The following C1orf115 variants were observed in gnomAD, a reference collection of about 807,000 sequenced individuals.
C1orf115 encodes chromosome 1 open reading frame 115, also known as required for drug-induced death protein 1.
C1orf115 carries 14 observed loss-of-function variants against 12.5 expected under a neutral mutation model. That is an observed-to-expected ratio of 1.12 (90% confidence interval 0.74 to 1.75). The LOEUF (loss-of-function observed/expected upper bound fraction) is 1.75, where lower values mean the gene tolerates loss of function less well. C1orf115 is among the 40% of genes most tolerant of loss of function. C1orf115 has a pLI of 0.00. For missense variants in C1orf115, 237 were observed against 220.8 expected, an observed-to-expected ratio of 1.07 and a Z score of -0.46; for synonymous variants, 109 against 104.6, an observed-to-expected ratio of 1.04 and a Z score of -0.26.
At chr1:220,696,520 T>C (rs566595001) in intron 1 of C1orf115, 92 bp from the exon 2 acceptor site, 2 of 1,378,118 alleles carry the variant, frequency 1.5e-6, no homozygotes, top group Non-Finnish European at 2.0e-6. Flanking sequence ...TTTATATATG[T>C]CGCCGTGACT....
chr1:220,694,369 C>A (rs1285917275), intron 1 of C1orf115, among the ~76,000 whole-genome samples: 1 of 152,122 alleles, frequency 6.6e-6, no homozygotes, highest in African/African-American at 2.4e-5. Context: ...ACTAAATATT[C>A]CCATTGTATA....
At chr1:220,694,080 C>CAAAAAAAAAAAAAAAAAAAAAAAAAA (rs11353067) in intron 1 of C1orf115, among the ~76,000 whole-genome samples, 1 of 72,048 alleles carries the variant, frequency 1.4e-5, no homozygotes, top group Non-Finnish European at 2.5e-5. Flanking sequence ...AACGCGGTCT[C>CAAAAAAAAAAAAAAAAAAAAAAAAAA]AAAAAAAAAA....
rs957897789 is a variant in C1orf115 at position 220,690,713 on chromosome 1, T to G, written c.309+2T>G. On this transcript the variant is annotated splice_donor_variant, in intron 1 of 1. Coordinates refer to ENST00000294889, the MANE Select transcript of C1orf115 (RefSeq NM_024709.5). LOFTEE classifies it high-confidence loss of function. ...AGGAAGCTGAAGAAGTACGGCAAGG[T>G]AGGGGCCCTGCGCCACCACTGCCCG... is the stretch of plus-strand genomic sequence containing the variant. 7 of 1,581,854 alleles carry G rather than the reference T, an allele frequency of 4.4e-6. No homozygotes were observed. Among genetic ancestry groups the G allele is most frequent in the Non-Finnish European group, 6.0e-6 (7 of 1,165,682 alleles).
At chr1:220,695,841 A>G (rs969189022) in intron 1 of C1orf115, among the ~76,000 whole-genome samples, 1 of 152,184 alleles carries the variant, frequency 6.6e-6, no homozygotes, top group Admixed American at 6.5e-5. Context: ...GAGTGATGAC[A>G]GAAGTTGAGG....
At chr1:220,691,252 CAACTATCAGTGTACTCTGGGGCCTTCAAA>C (rs1408116393) in intron 1 of C1orf115, among the ~76,000 whole-genome samples, 18 of 151,936 alleles carry the variant, frequency 1.2e-4, no homozygotes, top group Non-Finnish European at 7.4e-5. Context: ...CTCGTCTAGC[CAACTATCAGTGTACTCTGGGGCCTTCAAA>C]ACATTCTGCC....
In C1orf115 at chr1:220,695,957, G is replaced by T. The variant is rs144006014; in HGVS notation, c.310-655G>T. ...GAGTCCTTTAGATGTCCCCTGTCTA[G>T]CACCTGACATTCCCTGAATGTCCCC... On this transcript the variant is annotated intron_variant, in intron 1 of 1. Coordinates refer to ENST00000294889, the MANE Select transcript of C1orf115 (RefSeq NM_024709.5). 2.8e-3 allele frequency among the ~76,000 whole-genome samples: 422 copies of T among 152,248 alleles called. 1 individual carries two copies. Among genetic ancestry groups the T allele is most frequent in the African/African-American group, 9.6e-3 (400 of 41,542 alleles).
Position 220,696,809 on chromosome 1 carries a change from C to T in C1orf115, c.*78C>T, listed in dbSNP as rs1670203159. 6 of 1,483,448 alleles carry T rather than the reference C, an allele frequency of 4.0e-6. No individual in the cohort carries two copies. The highest frequency in any genetic ancestry group is 2.0e-5 in the Admixed American group (1 of 50,994). The allele number at this position is 1,483,448 out of a possible 1,614,324, so 91.9% of individuals were successfully genotyped here. On this transcript the variant is annotated 3_prime_UTR_variant, in exon 2 of 2. Coordinates refer to ENST00000294889, the MANE Select transcript of C1orf115 (RefSeq NM_024709.5). Reference sequence around the variant, plus strand: ...GAACTTTGTGAATCCTGGAGCATCTCAGACTTGAACACACAGCATATTTGG... The same window carrying T: ...GAACTTTGTGAATCCTGGAGCATCTTAGACTTGAACACACAGCATATTTGG...
At chr1:220,691,099 A>G (rs984025660) in intron 1 of C1orf115, among the ~76,000 whole-genome samples, 2 of 152,160 alleles carry the variant, frequency 1.3e-5, no homozygotes, top group African/African-American at 4.8e-5. Context: ...ATTGCAACCC[A>G]GTGTATTTGT....
At position 220,698,329 on chromosome 1, in the gene C1orf115, G is replaced by A. The variant is rs941039219; in HGVS notation, c.*1598G>A. 2.6e-5 allele frequency: 4 copies of A among 152,270 alleles called. No individual in the cohort carries two copies. Among genetic ancestry groups the A allele is most frequent in the African/African-American group, 9.6e-5 (4 of 41,470 alleles). The allele number at this position is 152,270 out of a possible 1,614,324, so 9.4% of individuals were successfully genotyped here. A position where few individuals can be genotyped will look rare whatever the true frequency, so the allele number is the denominator to read the frequency against. On this transcript the variant is annotated 3_prime_UTR_variant, in exon 2 of 2. Transcript: ENST00000294889. ...GGAAGGGGTAGAGGAGAAGGTTGAA[G>A]CTGTGGAGCTAGACTCTGCTTCACT...
chr1:220,690,733 T>C (rs1670089142), intron 1 of C1orf115, 22 bp downstream of exon 1: 6 of 1,562,804 alleles, frequency 3.8e-6, no homozygotes, highest in Non-Finnish European at 5.2e-6. Flanking sequence ...GCGCCACCAC[T>C]GCCCGGGGGG....
rs1670146536 is a variant in C1orf115 at position 220,693,767 on chromosome 1, G to T, written c.310-2845G>T. Among the ~76,000 whole-genome samples the T allele has an allele frequency of 2.0e-5, 3 of 152,100 alleles. No individual in the cohort carries two copies. The South Asian group carries it at 6.2e-4, about 32-fold the overall frequency. On this transcript the variant is annotated intron_variant, in intron 1 of 1. Coordinates refer to ENST00000294889, the MANE Select transcript of C1orf115 (RefSeq NM_024709.5). Reference sequence around the variant, plus strand: ...CCTGCCCTCCTTCTGTTACTGTGAGGGACCCTGTAATTTAAACTATTGAAA... The same window carrying T: ...CCTGCCCTCCTTCTGTTACTGTGAGTGACCCTGTAATTTAAACTATTGAAA...
chr1:220,690,636 C>T lies in C1orf115; in HGVS notation c.234C>T (p.Tyr78=), dbSNP rs765182139. 2 of 1,569,878 alleles carry T rather than the reference C, an allele frequency of 1.3e-6. No individual in the cohort carries two copies. Among genetic ancestry groups the T allele is most frequent in the South Asian group, 1.2e-5 (1 of 86,426 alleles). Reference sequence around the variant, plus strand: ...ACTTCGCCCTCCTGCCCGAGCGCTACGAGCCACTGGAGGAGCCGGCGCCGA... The same window carrying T: ...ACTTCGCCCTCCTGCCCGAGCGCTATGAGCCACTGGAGGAGCCGGCGCCGA... The part of the protein sequence containing the change: ...RVHFALLPER[Y]EPLEEPAPSE... Residue 78 remains tyrosine (Y), a synonymous_variant, in exon 1 of 2, where the codon TAC becomes TAT. Coordinates refer to ENST00000294889, the MANE Select transcript of C1orf115 (RefSeq NM_024709.5).
At chr1:220,693,790 A>G (rs1272913701) in intron 1 of C1orf115, among the ~76,000 whole-genome samples, 1 of 152,126 alleles carries the variant, frequency 6.6e-6, no homozygotes, top group Non-Finnish European at 1.5e-5. Context: ...TAAACTATTG[A>G]AAGCTCAGCT....
chr1:220,690,685 C>A lies in C1orf115; in HGVS notation c.283C>A (p.Arg95=). 6.3e-7 allele frequency: 1 copy of A among 1,595,532 alleles called. No homozygotes were observed. The highest frequency in any genetic ancestry group is 8.5e-7 in the Non-Finnish European group (1 of 1,172,306). The change falls in exon 1 of 2, where the codon CGG becomes AGG. Residue 95 remains arginine, a synonymous_variant. Transcript: ENST00000294889. ...GAGCGAGCAGCCCAGGAAGAGGTAC[C>A]GGAGGAAGCTGAAGAAGTACGGCAA... is the stretch of plus-strand genomic sequence containing the variant. ...APSEQPRKRY[R]RKLKKYGKNV...
chr1:220,696,572 A>T, intron 1 of C1orf115, 40 bp from the exon 2 acceptor site: 1 of 1,527,034 alleles, frequency 6.5e-7, no homozygotes, highest in East Asian at 2.3e-5. Context: ...AAAGTTGCCT[A>T]CCCTAATCCT....
Position 220,698,685 on chromosome 1 carries a change from C to CT in C1orf115, c.*1955dup, listed in dbSNP as rs1266438130. 6.6e-6 allele frequency: 1 copy of CT among 152,274 alleles called. No individual in the cohort carries two copies. The highest frequency in any genetic ancestry group is 1.5e-5 in the Non-Finnish European group (1 of 68,110). The allele number at this position is 152,274 out of a possible 1,614,324, so 9.4% of individuals were successfully genotyped here. ...GAGCCCAGGGTAGGGGACAGAGCTG[C>CT]TGGGGCCTTTCCTTGCCTGGGAATC... is the stretch of plus-strand genomic sequence containing the variant. On this transcript the variant is annotated 3_prime_UTR_variant, in exon 2 of 2. Coordinates refer to ENST00000294889, the MANE Select transcript of C1orf115 (RefSeq NM_024709.5).
chr1:220,693,990 G>T (rs143884106), intron 1 of C1orf115, among the ~76,000 whole-genome samples: 4,642 of 147,464 alleles, frequency 0.031, 248 homozygotes, highest in African/African-American at 0.11. Context: ...TGCAGCAGGA[G>T]AATCGCTTGA....
intron 1 of C1orf115, among the ~76,000 whole-genome samples, chr1:220,694,417 A>C (rs115026826): frequency 0.03 from 4,555 of 152,298 alleles, 102 homozygotes; most frequent in Middle Eastern, 0.051. Context: ...TAAGTAAGTG[A>C]TAGAGTTGGA....
intron 1 of C1orf115, among the ~76,000 whole-genome samples, chr1:220,694,607 T>G (rs974638807): frequency 2.0e-5 from 3 of 152,212 alleles, no homozygotes; most frequent in Non-Finnish European, 4.4e-5. Context: ...CTCTGTGCTT[T>G]GAATGATTGA....
Sources: allele counts gnomAD v4.1 joint callset (sites outside exome capture counted in the v4.1 genomes callset), GRCh38; gene constraint gnomAD v4.1.1; transcripts MANE v1.5; gene names NCBI Gene and HGNC (gene_info 2026-07-23, HGNC 2026-07-21).